COX6C: variants seen among roughly 807,000 people sequenced by gnomAD.
COX6C encodes the protein cytochrome c oxidase subunit 6C.
In COX6C, 3 loss-of-function variants were observed where a neutral mutation model predicts 6.9. That is an observed-to-expected ratio of 0.43 (90% confidence interval 0.20 to 1.12). The LOEUF (loss-of-function observed/expected upper bound fraction) is 1.12. COX6C is among the 50% of genes most tolerant of loss of function. The pLI, the probability that COX6C is intolerant of heterozygous loss-of-function variation, is 0.27. For missense variants in COX6C, 101 were observed against 97.3 expected, an observed-to-expected ratio of 1.04 and a Z score of -0.16; for synonymous variants, 32 against 32.0, an observed-to-expected ratio of 1.00 and a Z score of 0.00.
intron 3 of COX6C, among the ~76,000 whole-genome samples, chr8:99,879,933 G>A (rs1817833758): frequency 6.6e-6 from 1 of 152,122 alleles, no homozygotes; most frequent in African/African-American, 2.4e-5. Flanking sequence ...GAAACCTGTG[G>A]GCAAGAGATC....
chr8:99,888,904 T>A (rs1817987879), intron 2 of COX6C, among the ~76,000 whole-genome samples: 1 of 152,218 alleles, frequency 6.6e-6, no homozygotes, highest in African/African-American at 2.4e-5. Context: ...GAGCCTAGTC[T>A]CTTCAGCTCC....
At chr8:99,892,083 CAG>C in intron 1 of COX6C, 31 bp from the exon 2 acceptor site, 3 of 1,341,802 alleles carry the variant, frequency 2.2e-6, no homozygotes, top group Non-Finnish European at 3.1e-6. Flanking sequence ...TGATTAAGTA[CAG>C]AGTTTATTTA....
At chr8:99,885,873 T>G (rs1046837026) in intron 3 of COX6C, 6 of 152,192 alleles carry the variant, frequency 3.9e-5, no homozygotes, top group African/African-American at 1.4e-4. Flanking sequence ...AAATCATATC[T>G]GATAAGGGGT....
chr8:99,889,384 ATTTT>A (rs11287901), intron 2 of COX6C, among the ~76,000 whole-genome samples: 2 of 126,338 alleles, frequency 1.6e-5, no homozygotes, highest in African/African-American at 3.2e-5. Context: ...CCACCTCCCA[ATTTT>A]TTTTTTTTTT....
At chr8:99,887,646 A>G in intron 2 of COX6C, 28 bp from the exon 3 acceptor site, 2 of 1,444,190 alleles carry the variant, frequency 1.4e-6, no homozygotes, top group Non-Finnish European at 1.9e-6. Context: ...ATTAGAGTTT[A>G]TTTTTCAGAT....
intron 3 of COX6C, among the ~76,000 whole-genome samples, chr8:99,884,918 AC>A (rs556807482): frequency 1.0e-3 from 159 of 152,364 alleles, no homozygotes; most frequent in Non-Finnish European, 2.0e-3. Context: ...TGTCCATACT[AC>A]CAAAGTAATC....
At chr8:99,893,002 C>G (rs994169414) in intron 1 of COX6C, 1 of 152,212 alleles carries the variant, frequency 6.6e-6, no homozygotes, top group Non-Finnish European at 1.5e-5. Flanking sequence ...TGCTCCTTTG[C>G]CCAGCCTCAC....
At position 99,887,619 on chromosome 8, in the gene COX6C, C is replaced by G; in HGVS notation, c.115-1G>C. On this transcript the variant is annotated splice_acceptor_variant, in intron 2 of 3. Coordinates refer to ENST00000520468, the MANE Select transcript of COX6C (RefSeq NM_004374.4). LOFTEE classifies it high-confidence loss of function. ...TCTTTCTTTGATCAGCCACACGAAACTAAAAAGCAACCATCCATTAGAGTT... is the reference window on the plus strand; with the variant it reads ...TCTTTCTTTGATCAGCCACACGAAAGTAAAAAGCAACCATCCATTAGAGTT... 6.3e-7 allele frequency: 1 copy of G among 1,583,796 alleles called. No homozygotes were observed. Among genetic ancestry groups the G allele is most frequent in the Non-Finnish European group, 8.6e-7 (1 of 1,167,244 alleles).
At chr8:99,885,128 T>C (rs180914223) in intron 3 of COX6C, among the ~76,000 whole-genome samples, 3 of 152,348 alleles carry the variant, frequency 2.0e-5, no homozygotes, top group Admixed American at 2.0e-4. Context: ...GTAGCAGTCA[T>C]CCCTTATTTG....
chr8:99,892,384 A>C (rs1479545939), intron 1 of COX6C, among the ~76,000 whole-genome samples: 1 of 152,156 alleles, frequency 6.6e-6, no homozygotes, highest in Non-Finnish European at 1.5e-5. Flanking sequence ...TGACTGACTA[A>C]ACGCTGTCCT....
chr8:99,881,865 C>G (rs773480385), intron 3 of COX6C, among the ~76,000 whole-genome samples: 2 of 152,154 alleles, frequency 1.3e-5, no homozygotes, highest in Non-Finnish European at 2.9e-5. Context: ...CACTGTAGAT[C>G]TAAGGACACA....
At chr8:99,886,992 G>A (rs1190163745) in intron 3 of COX6C, 1 of 152,214 alleles carries the variant, frequency 6.6e-6, no homozygotes, top group East Asian at 1.9e-4. Context: ...TTATATTATA[G>A]ATGCTCCTTA....
intron 1 of COX6C, among the ~76,000 whole-genome samples, chr8:99,892,759 C>A (rs1443405325): frequency 6.6e-6 from 1 of 151,818 alleles, no homozygotes; most frequent in African/African-American, 2.4e-5. Context: ...CGAGCAAAGG[C>A]AACAAAAATC....
intron 2 of COX6C, among the ~76,000 whole-genome samples, chr8:99,889,327 T>C (rs1817997897): frequency 6.6e-6 from 1 of 151,698 alleles, no homozygotes; most frequent in Admixed American, 6.6e-5. Context: ...TCTGGCTCTA[T>C]CGCCCAGCCT....
intron 3 of COX6C, among the ~76,000 whole-genome samples, chr8:99,883,427 A>G (rs1817894508): frequency 7.2e-6 from 1 of 139,546 alleles, no homozygotes; most frequent in African/African-American, 2.9e-5. Flanking sequence ...GTGTGTGTAT[A>G]TATGTATGTG....
Position 99,877,890 on chromosome 8 carries a change from G to C in COX6C, c.*391C>G, listed in dbSNP as rs1817773338. The C allele has an allele frequency of 6.6e-6, 1 of 152,128 alleles. No homozygotes were observed. The highest frequency in any genetic ancestry group is 2.1e-4 in the South Asian group (1 of 4,816). 9.4% of individuals were successfully genotyped at this position (152,128 alleles called of 1,614,324 possible). A position where few individuals can be genotyped will look rare whatever the true frequency, so the allele number is the denominator to read the frequency against. ...TGAAGGCCAAGGATAGATTTTATTA[G>C]GATTCTATCTCTTCTTAGAGCCCAC... On this transcript the variant is annotated 3_prime_UTR_variant, in exon 4 of 4. Coordinates refer to ENST00000520468, the MANE Select transcript of COX6C (RefSeq NM_004374.4).
chr8:99,882,960 A>AT lies in COX6C; in HGVS notation c.*15+4529dup, dbSNP rs201278066. 7.3e-3 allele frequency among the ~76,000 whole-genome samples: 1,114 copies of AT among 151,674 alleles called. 9 individuals carry two copies. Among genetic ancestry groups the AT allele is most frequent in the African/African-American group, 0.026 (1,069 of 41,384 alleles). On this transcript the variant is annotated intron_variant, in intron 3 of 3. Coordinates refer to ENST00000520468, the MANE Select transcript of COX6C (RefSeq NM_004374.4). ...CCATCACACCCACATTATTTTTTGT[A>AT]TTTTTTTTGTAGAGACGGGGTTTCG...
Position 99,893,685 on chromosome 8 carries a change from G to A in COX6C, c.-78C>T, listed in dbSNP as rs367834230. The A allele has an allele frequency of 2.0e-5, 3 of 152,328 alleles. No individual in the cohort carries two copies. Among genetic ancestry groups the A allele is most frequent in the Non-Finnish European group, 4.4e-5 (3 of 68,086 alleles). 9.4% of individuals were successfully genotyped at this position (152,328 alleles called of 1,614,324 possible). A position where few individuals can be genotyped will look rare whatever the true frequency, so the allele number is the denominator to read the frequency against. On this transcript the variant is annotated 5_prime_UTR_variant, in exon 1 of 4. Transcript: ENST00000520468. ...GACTAAAGGAAAAACGAACCGTGCTGTAGCCGCGCGCAGGCGCAGAATAAG... is the reference window on the plus strand; with the variant it reads ...GACTAAAGGAAAAACGAACCGTGCTATAGCCGCGCGCAGGCGCAGAATAAG...
rs181670880 is a variant in COX6C at position 99,885,339 on chromosome 8, G to A, written c.*15+2151C>T. ...CGTCATCATAGGTATGTACGTACAC[G>A]AAAAACAACATAATATATACAGGGT... On this transcript the variant is annotated intron_variant, in intron 3 of 3. Transcript: ENST00000520468. Among the ~76,000 whole-genome samples the A allele has an allele frequency of 1.8e-4, 27 of 152,204 alleles. No homozygotes were observed. In the East Asian group the frequency reaches 5.0e-3, roughly 28 times the overall value.
Sources: allele counts gnomAD v4.1 joint callset (sites outside exome capture counted in the v4.1 genomes callset), GRCh38; gene constraint gnomAD v4.1.1; transcripts MANE v1.5; gene names NCBI Gene and HGNC (gene_info 2026-07-23, HGNC 2026-07-21).